GNL3L: variants seen among roughly 807,000 people sequenced by gnomAD.
GNL3L encodes the protein guanine nucleotide-binding protein-like 3-like protein.
GNL3L carries 4 observed loss-of-function variants against 42.9 expected under a neutral mutation model. The ratio of observed to expected loss-of-function variants is 0.09; its 90% CI spans 0.05 to 0.21. The LOEUF (loss-of-function observed/expected upper bound fraction) is 0.21. Ranked by LOEUF, GNL3L falls within the 10% of genes least tolerant of loss-of-function variation. The pLI is 1.00. For synonymous variants in GNL3L, 159 were observed against 176.3 expected, an observed-to-expected ratio of 0.90 and a Z score of 0.78; for missense variants, 412 against 481.7, an observed-to-expected ratio of 0.86 and a Z score of 1.36.
At chrX:54,595,110 G>A (rs1925917359) in intron 16 of GNL3L, among the ~76,000 whole-genome samples, 1 of 112,117 alleles carries the variant, frequency 8.9e-6, no homozygotes, top group African/African-American at 3.2e-5. Flanking sequence ...ACTATTAGCA[G>A]TGAGTTTTGT....
intron 16 of GNL3L, among the ~76,000 whole-genome samples, chrX:54,617,521 T>C (rs1008278752): frequency 1.8e-5 from 2 of 111,882 alleles, no homozygotes; most frequent in Admixed American, 9.5e-5. Context: ...TTGACAATTT[T>C]CCCCCCGCTA....
chrX:54,570,346 A>G (rs953857095), downstream of GNL3L, among the ~76,000 whole-genome samples: 1 of 112,194 alleles, frequency 8.9e-6, no homozygotes, highest in African/African-American at 3.2e-5. Flanking sequence ...CATTTTGTCT[A>G]GTATAAATAT....
intron 2 of GNL3L, among the ~76,000 whole-genome samples, chrX:54,532,953 C>T (rs1187869728): frequency 2.7e-5 from 3 of 111,983 alleles, no homozygotes; most frequent in Non-Finnish European, 5.6e-5. Context: ...GCCACTGCGC[C>T]CAGCCTTCAC....
downstream of GNL3L, among the ~76,000 whole-genome samples, chrX:54,568,894 A>G (rs1925505436): frequency 8.9e-6 from 1 of 111,837 alleles, no homozygotes; most frequent in Non-Finnish European, 1.9e-5. Context: ...CTCTCTTCCA[A>G]TCCTTATATC....
intron 16 of GNL3L, among the ~76,000 whole-genome samples, chrX:54,594,600 A>G (rs757318917): frequency 1.9e-5 from 2 of 106,573 alleles, no homozygotes; most frequent in Non-Finnish European, 3.9e-5. Flanking sequence ...TGAAGCATTT[A>G]GTGAATTTAC....
At chrX:54,643,083 A>G in the GNL3L span, among the ~76,000 whole-genome samples, 1 of 111,927 alleles carries the variant, frequency 8.9e-6, no homozygotes, top group Non-Finnish European at 1.9e-5. Flanking sequence ...TTTTGTTTAC[A>G]CCAATGAAAG....
chrX:54,555,687 G>T (rs1257066010), intron 14 of GNL3L, among the ~76,000 whole-genome samples: 1 of 86,102 alleles, frequency 1.2e-5, no homozygotes, highest in Non-Finnish European at 2.2e-5. Flanking sequence ...CACTGTGTTG[G>T]CCAGGCTGGT....
At position 54,544,241 on chromosome X, in the gene GNL3L, T is replaced by C; in HGVS notation, c.545T>C (p.Val182Ala). The part of the protein sequence containing the change: ...LNKIDLVPKE[V>A]VEKWLDYLRN... Reference sequence around the variant, plus strand: ...ACCCCAGACCTGGTCCCCAAGGAGGTTGTGGAGAAATGGCTGGATTACCTT... The same window carrying C: ...ACCCCAGACCTGGTCCCCAAGGAGGCTGTGGAGAAATGGCTGGATTACCTT... The change falls in exon 8 of 16, where the codon GTT becomes GCT. Residue 182 changes from valine to alanine, a missense_variant. Val to Ala is a moderately conservative substitution (Grantham distance 64, BLOSUM62 0). Transcript: ENST00000360845. 8.5e-7 allele frequency: 1 copy of C among 1,181,444 alleles called. No individual in the cohort carries two copies. Among genetic ancestry groups the C allele is most frequent in the Admixed American group, 2.2e-5 (1 of 45,757 alleles).
chrX:54,564,402 C>CTTTTTTTTTTTTTTTTTTTTTTTTT lies in GNL3L; in HGVS notation c.*3820_*3821insTTTTTTTTTTTTTTTTTTTTTTTTT, dbSNP rs567172499. ...AGTCACTGGTTTTTTTCTTCGTTCT[C>CTTTTTTTTTTTTTTTTTTTTTTTTT]TTTTTTTTTTTTTTTTTTTTGAGAC... is the stretch of plus-strand genomic sequence containing the variant. On this transcript the variant is annotated 3_prime_UTR_variant, in exon 16 of 16. Transcript: ENST00000360845. Among the ~76,000 whole-genome samples the CTTTTTTTTTTTTTTTTTTTTTTTTT allele has an allele frequency of 1.2e-5, 1 of 80,810 alleles. No homozygotes were observed. The highest frequency in any genetic ancestry group is 5.0e-5 in the African/African-American group (1 of 20,058). 70.2% of individuals were successfully genotyped at this position (80,810 alleles called of 115,157 possible).
Position 54,562,138 on chromosome X carries a change from C to T in GNL3L, c.*1536C>T, listed in dbSNP as rs921690055. On this transcript the variant is annotated 3_prime_UTR_variant, in exon 16 of 16. Transcript: ENST00000360845. Reference sequence around the variant, plus strand: ...TCGGCTCACTGCAACCTCTGCCTCCCGGGTTCAAGTGATCCTCCTGCCTTA... The same window carrying T: ...TCGGCTCACTGCAACCTCTGCCTCCTGGGTTCAAGTGATCCTCCTGCCTTA... Among the ~76,000 whole-genome samples, 4 of 111,852 alleles carry T rather than the reference C, an allele frequency of 3.6e-5. No homozygotes were observed. Among genetic ancestry groups the T allele is most frequent in the Admixed American group, 9.5e-5 (1 of 10,557 alleles).
intron 16 of GNL3L, among the ~76,000 whole-genome samples, chrX:54,575,609 C>T (rs746343789): frequency 1.8e-5 from 2 of 111,955 alleles, no homozygotes; most frequent in African/African-American, 6.5e-5. Flanking sequence ...TGGCGGGCGC[C>T]TGTAGTCCCA....
chrX:54,621,193 A>G (rs1486279593), exon 17 of GNL3L, among the ~76,000 whole-genome samples: 1 of 112,049 alleles, frequency 8.9e-6, no homozygotes, highest in Non-Finnish European at 1.9e-5. Flanking sequence ...AGCAGAAATG[A>G]TGGCTGTGTG....
chrX:54,572,628 C>A (rs1278919792), intron 16 of GNL3L, among the ~76,000 whole-genome samples: 1 of 105,816 alleles, frequency 9.5e-6, no homozygotes, highest in Non-Finnish European at 2.0e-5. Flanking sequence ...GCTGGCCGGG[C>A]GGGGGGCTGA....
At chrX:54,537,673 C>T (rs761434929) in intron 2 of GNL3L, among the ~76,000 whole-genome samples, 5 of 111,331 alleles carry the variant, frequency 4.5e-5, no homozygotes, top group African/African-American at 1.3e-4. Flanking sequence ...AGGCTGTTCT[C>T]GAACTCCTAG....
downstream of GNL3L, among the ~76,000 whole-genome samples, chrX:54,624,438 C>CTTTTTTT (rs761943977): frequency 1.5e-4 from 12 of 82,465 alleles, no homozygotes; most frequent in Non-Finnish European, 1.8e-4. Context: ...TTTTCTTTTT[C>CTTTTTTT]TTTTTTTTTT....
rs1924413317 is a variant in GNL3L at position 54,536,063 on chromosome X, G to C, written c.20-2977G>C. Among the ~76,000 whole-genome samples the C allele has an allele frequency of 6.3e-5, 7 of 111,446 alleles. No homozygotes were observed. The South Asian group carries it at 2.6e-3, about 42-fold the overall frequency. ...CTGCCTCAGCCTCTCGAGTAGCTGG[G>C]ATTACAGGTGCGTGCCAACACGCCC... On this transcript the variant is annotated intron_variant, in intron 2 of 15. Transcript: ENST00000360845.
chrX:54,595,458 T>G (rs989485147), intron 16 of GNL3L, among the ~76,000 whole-genome samples: 3 of 112,061 alleles, frequency 2.7e-5, no homozygotes, highest in Non-Finnish European at 3.8e-5. Flanking sequence ...CTTTTGCTGC[T>G]TTTAGAATCC....
chrX:54,534,889 C>T (rs1044902754), intron 2 of GNL3L, among the ~76,000 whole-genome samples: 1 of 110,811 alleles, frequency 9.0e-6, no homozygotes, highest in Admixed American at 9.7e-5. Context: ...ATTGCAGGCA[C>T]TCAGTTTCCA....
chrX:54,540,804 T>A (rs1287434089), intron 4 of GNL3L, among the ~76,000 whole-genome samples: 1 of 111,015 alleles, frequency 9.0e-6, no homozygotes, highest in African/African-American at 3.3e-5. Context: ...ATTACAGGCA[T>A]GCACCACCAC....
Sources: allele counts gnomAD v4.1 joint callset (sites outside exome capture counted in the v4.1 genomes callset), GRCh38; gene constraint gnomAD v4.1.1; transcripts MANE v1.5; gene names NCBI Gene and HGNC (gene_info 2026-07-23, HGNC 2026-07-21).